The following MAP3K13 variants were observed in gnomAD, a reference collection of about 807,000 sequenced individuals.
MAP3K13 encodes the protein mitogen-activated protein kinase kinase kinase 13.
In MAP3K13, 52 loss-of-function variants were observed where a neutral mutation model predicts 104.0. The ratio of observed to expected loss-of-function variants is 0.50; its 90% CI spans 0.40 to 0.63. The LOEUF is 0.63. Ranked by LOEUF, MAP3K13 falls within the 20% of genes least tolerant of loss-of-function variation. The pLI is 0.00. For synonymous variants in MAP3K13, 394 were observed against 442.2 expected (o/e 0.89, Z 1.37); for missense variants, 914 against 1,218.5 (o/e 0.75, Z 3.72).
chr3:185,379,610 G>T (rs1320809239), intron 1 of MAP3K13, among the ~76,000 whole-genome samples: 1 of 152,136 alleles, frequency 6.6e-6, no homozygotes, highest in African/African-American at 2.4e-5. Flanking sequence ...AGTGTCTCAC[G>T]TGTCTGTGTG....
chr3:185,361,197 C>G (rs1443074757), upstream of MAP3K13, among the ~76,000 whole-genome samples: 2 of 149,486 alleles, frequency 1.3e-5, no homozygotes, highest in African/African-American at 4.9e-5. Context: ...TATATACACA[C>G]ACACACAAAT....
intron 1 of MAP3K13, among the ~76,000 whole-genome samples, chr3:185,409,929 G>C (rs1464284370): frequency 6.6e-6 from 1 of 152,194 alleles, no homozygotes; most frequent in East Asian, 1.9e-4. Flanking sequence ...GATGTGGTGG[G>C]TGGTGGGTGG....
chr3:185,355,246 C>A (rs1159470207), intron 2 of MAP3K13, among the ~76,000 whole-genome samples: 1 of 151,962 alleles, frequency 6.6e-6, no homozygotes, highest in Non-Finnish European at 1.5e-5. Context: ...CTGAGGCGGG[C>A]AGATCACTTG....
At chr3:185,480,563 T>A in intron 13 of MAP3K13, 34 bp downstream of exon 13, 1 of 1,595,732 alleles carries the variant, frequency 6.3e-7, no homozygotes, top group Non-Finnish European at 8.5e-7. Flanking sequence ...CCATCACTGT[T>A]CCCTTTTTTG....
intron 1 of MAP3K13, among the ~76,000 whole-genome samples, chr3:185,386,892 T>A (rs912275021): frequency 5.3e-5 from 8 of 151,880 alleles, no homozygotes; most frequent in African/African-American, 1.9e-4. Flanking sequence ...ACATACTGAA[T>A]CCTGTCAGAG....
intron 2 of MAP3K13, among the ~76,000 whole-genome samples, chr3:185,331,006 A>G (rs989176453): frequency 6.6e-6 from 1 of 151,752 alleles, no homozygotes; most frequent in African/African-American, 2.4e-5. Context: ...GCTCCTCCTC[A>G]GAGAGGCCTT....
chr3:185,358,128 C>T (rs539439992), intron 2 of MAP3K13, among the ~76,000 whole-genome samples: 1 of 152,104 alleles, frequency 6.6e-6, no homozygotes, highest in African/African-American at 2.4e-5. Context: ...TAATCCAACC[C>T]AAAACAAGGA....
intron 1 of MAP3K13, among the ~76,000 whole-genome samples, chr3:185,376,529 T>C (rs56253177): frequency 0.18 from 26,934 of 151,930 alleles, 2,561 homozygotes; most frequent in Non-Finnish European, 0.21. Context: ...ACTTCGGCTG[T>C]ATGTAATGAA....
At chr3:185,440,215 A>G (rs771919300) in intron 3 of MAP3K13, among the ~76,000 whole-genome samples, 2 of 152,186 alleles carry the variant, frequency 1.3e-5, no homozygotes, top group Non-Finnish European at 2.9e-5. Flanking sequence ...AAAGGTAGCA[A>G]TTAGAAGTGA....
intron 2 of MAP3K13, among the ~76,000 whole-genome samples, chr3:185,331,628 G>C (rs920359663): frequency 1.4e-4 from 21 of 152,142 alleles, no homozygotes; most frequent in African/African-American, 5.1e-4. Context: ...TTGGTAAATC[G>C]TTGTATGACA....
intron 2 of MAP3K13, among the ~76,000 whole-genome samples, chr3:185,339,952 G>A (rs1163657326): frequency 6.6e-6 from 1 of 151,694 alleles, no homozygotes; most frequent in Non-Finnish European, 1.5e-5. Flanking sequence ...ATAACCAATG[G>A]GAAAAGTTAT....
exon 2 of MAP3K13, chr3:185,285,533 A>T: frequency 7.9e-7 from 1 of 1,271,336 alleles, no homozygotes; most frequent in Non-Finnish European, 1.1e-6. Context: ...AGAACACTGA[A>T]ATCTATGGAC....
chr3:185,321,830 T>G (rs1721880617), intron 2 of MAP3K13, among the ~76,000 whole-genome samples: 1 of 152,180 alleles, frequency 6.6e-6, no homozygotes, highest in African/African-American at 2.4e-5. Flanking sequence ...TTTGGAACTC[T>G]TGACCTCAGG....
At chr3:185,399,811 G>C (rs12491117) in intron 1 of MAP3K13, among the ~76,000 whole-genome samples, 2 of 151,978 alleles carry the variant, frequency 1.3e-5, no homozygotes, top group Non-Finnish European at 2.9e-5. Context: ...TATAGGAAAG[G>C]ATAAACCCTG....
At chr3:185,468,725 C>T (rs1717604137) in intron 10 of MAP3K13, among the ~76,000 whole-genome samples, 1 of 152,208 alleles carries the variant, frequency 6.6e-6, no homozygotes, top group Admixed American at 6.5e-5. Flanking sequence ...TCCAATTTTG[C>T]TTTTACCTTC....
chr3:185,348,425 G>A (rs1363619373), intron 2 of MAP3K13, among the ~76,000 whole-genome samples: 2 of 152,036 alleles, frequency 1.3e-5, no homozygotes, highest in Non-Finnish European at 2.9e-5. Context: ...TGAAATTTAG[G>A]CCCAATACAT....
rs573522392 is a variant in MAP3K13, at chr3:185,357,349, G to A, written c.-85-71148G>A. On this transcript the variant is annotated intron_variant, in intron 2 of 14. Transcript: ENST00000424227. ...TGTAATCTCAGCTACTCAGGAGGCT[G>A]AGGCAGGAGAATTGCTTGAACCCGG... Among the ~76,000 whole-genome samples, 14 of 150,748 alleles carry A rather than the reference G, an allele frequency of 9.3e-5. No homozygotes were observed. The South Asian group carries it at 2.9e-3, about 31-fold the overall frequency.
intron 2 of MAP3K13, among the ~76,000 whole-genome samples, chr3:185,434,853 G>A (rs992166336): frequency 6.6e-6 from 1 of 152,110 alleles, no homozygotes; most frequent in Admixed American, 6.5e-5. Context: ...TTAAAAATTA[G>A]GGTAATTTGG....
rs142194102 is a variant in MAP3K13, at chr3:185,407,341, C to A, written c.-85-21156C>A. 4.6e-3 allele frequency among the ~76,000 whole-genome samples: 698 copies of A among 152,172 alleles called. 8 individuals carry two copies. The highest frequency in any genetic ancestry group is 0.015 in the African/African-American group (641 of 41,518). On this transcript the variant is annotated intron_variant, in intron 1 of 13. Coordinates refer to ENST00000265026, the MANE Select transcript of MAP3K13 (RefSeq NM_004721.5). ...CTCTTACCTCATTTTGCTGTCTAGA[C>A]CTATGATTATTAATTTTCATTTGGA...
Sources: gnomAD v4.1 joint callset for allele counts (sites outside exome capture counted in the v4.1 genomes callset) on GRCh38, gnomAD v4.1.1 for gene constraint, MANE v1.5 for transcripts, NCBI Gene and HGNC (gene_info 2026-07-23, HGNC 2026-07-21) for gene names.